The following GABRB1 variants were observed in gnomAD, a reference collection of about 807,000 sequenced individuals.
GABRB1 encodes the protein gamma-aminobutyric acid receptor subunit beta-1.
A neutral mutation model predicts 51.6 loss-of-function variants in GABRB1; 17 were observed. That is an observed-to-expected ratio of 0.33 (90% CI 0.23 to 0.49). GABRB1 has a LOEUF of 0.49. GABRB1 is among the 20% of genes least tolerant of loss of function. GABRB1 has a pLI of 0.99. For missense variants in GABRB1, 410 were observed against 600.6 expected, an observed-to-expected ratio of 0.68 and a Z score of 3.32; for synonymous variants, 247 against 218.9, an observed-to-expected ratio of 1.13 and a Z score of -1.14.
chr4:47,259,770 GT>G (rs1342068848), intron 4 of GABRB1, among the ~76,000 whole-genome samples: 1 of 152,030 alleles, frequency 6.6e-6, no homozygotes, highest in East Asian at 1.9e-4. Context: ...ACTTTCTTTG[GT>G]GGTGATATAT....
At chr4:47,294,991 C>T (rs181415901) in intron 4 of GABRB1, among the ~76,000 whole-genome samples, 2 of 152,304 alleles carry the variant, frequency 1.3e-5, no homozygotes, top group African/African-American at 2.4e-5. Flanking sequence ...GATACCCAGG[C>T]AAACAGGGTC....
chr4:47,414,621 C>G (rs1728856120), intron 8 of GABRB1, among the ~76,000 whole-genome samples: 1 of 152,096 alleles, frequency 6.6e-6, no homozygotes, highest in African/African-American at 2.4e-5. Context: ...TTCACAATAC[C>G]AAATATGCAG....
intron 3 of GABRB1, among the ~76,000 whole-genome samples, chr4:47,039,686 A>G (rs933411558): frequency 6.6e-6 from 1 of 152,168 alleles, no homozygotes; most frequent in African/African-American, 2.4e-5. Context: ...GTAGTTAGCA[A>G]TTGTGTAGAA....
chr4:47,355,995 C>T (rs1463226228), intron 5 of GABRB1, among the ~76,000 whole-genome samples: 1 of 152,154 alleles, frequency 6.6e-6, no homozygotes, highest in Non-Finnish European at 1.5e-5. Flanking sequence ...TGTAAAGCAA[C>T]CAGGCTTAAT....
chr4:47,018,014 TTTC>T (rs879437295), intron 1 of GABRB1, among the ~76,000 whole-genome samples: 6 of 151,996 alleles, frequency 3.9e-5, no homozygotes, highest in Non-Finnish European at 5.9e-5. Context: ...TAAGTTTTCT[TTTC>T]TTCTTCTTTC....
intron 8 of GABRB1, among the ~76,000 whole-genome samples, chr4:47,408,391 G>C (rs1728647321): frequency 6.6e-6 from 1 of 152,266 alleles, no homozygotes; most frequent in African/African-American, 2.4e-5. Flanking sequence ...GGATACTTAG[G>C]CCAAATTATA....
intron 4 of GABRB1, among the ~76,000 whole-genome samples, chr4:47,293,886 T>G (rs998527530): frequency 1.3e-5 from 2 of 152,200 alleles, no homozygotes; most frequent in African/African-American, 2.4e-5. Flanking sequence ...CCATTATACA[T>G]AAGCATTTCA....
intron 3 of GABRB1, among the ~76,000 whole-genome samples, chr4:47,046,611 C>A (rs1726102727): frequency 6.6e-6 from 1 of 151,868 alleles, no homozygotes; most frequent in African/African-American, 2.4e-5. Flanking sequence ...CATGACATAG[C>A]AGAGAAAGTG....
chr4:47,307,079 C>T (rs930264659), intron 4 of GABRB1, among the ~76,000 whole-genome samples: 3 of 152,090 alleles, frequency 2.0e-5, no homozygotes, highest in Admixed American at 2.0e-4. Context: ...AGTATGACTC[C>T]TAATTTTCCC....
chr4:47,378,585 G>T (rs576608185), intron 5 of GABRB1, among the ~76,000 whole-genome samples: 11 of 152,192 alleles, frequency 7.2e-5, no homozygotes, highest in Admixed American at 1.3e-4. Context: ...GCCAGCGAGG[G>T]CTGTGAGGAC....
intron 1 of GABRB1, among the ~76,000 whole-genome samples, chr4:47,015,607 G>A (rs758756950): frequency 6.6e-5 from 10 of 152,074 alleles, no homozygotes; most frequent in Admixed American, 2.0e-4. Context: ...TTCCTTTACT[G>A]AGATGCAAAA....
intron 4 of GABRB1, among the ~76,000 whole-genome samples, chr4:47,223,673 T>C (rs1720848169): frequency 6.6e-6 from 1 of 152,106 alleles, no homozygotes; most frequent in African/African-American, 2.4e-5. Context: ...ATCAGGGCTG[T>C]TTATGAGAAT....
At position 47,258,828 on chromosome 4, in the gene GABRB1, G is replaced by A. The variant is rs189274985; in HGVS notation, c.462-61299G>A. On this transcript the variant is annotated intron_variant, in intron 4 of 8. Coordinates refer to ENST00000295454, the MANE Select transcript of GABRB1 (RefSeq NM_000812.4). Reference sequence around the variant, plus strand: ...TCTCATTAAGTTGGAAATGAATGATGCAATAGCATAGTGTAAAATTTAGAA... The same window carrying A: ...TCTCATTAAGTTGGAAATGAATGATACAATAGCATAGTGTAAAATTTAGAA... Among the ~76,000 whole-genome samples the A allele has an allele frequency of 1.2e-3, 190 of 152,224 alleles. 1 individual carries two copies. Among genetic ancestry groups the A allele is most frequent in the African/African-American group, 4.4e-3 (181 of 41,558 alleles).
chr4:47,117,201 G>A (rs948642277), intron 3 of GABRB1, among the ~76,000 whole-genome samples: 4 of 152,190 alleles, frequency 2.6e-5, no homozygotes, highest in African/African-American at 7.2e-5. Flanking sequence ...TATGTTACGA[G>A]AGGAGCAGGT....
chr4:47,349,694 G>T (rs964841809), intron 5 of GABRB1, among the ~76,000 whole-genome samples: 4 of 152,102 alleles, frequency 2.6e-5, no homozygotes, highest in Admixed American at 6.5e-5. Context: ...TATGTATAAG[G>T]TTAGGTTCAA....
chr4:47,278,841 C>A (rs911274287), intron 4 of GABRB1, among the ~76,000 whole-genome samples: 1 of 152,156 alleles, frequency 6.6e-6, no homozygotes, highest in Non-Finnish European at 1.5e-5. Flanking sequence ...TGCCCTGTTT[C>A]TATGGAAACA....
intron 3 of GABRB1, among the ~76,000 whole-genome samples, chr4:47,082,161 G>T (rs1454759127): frequency 6.6e-6 from 1 of 151,660 alleles, no homozygotes; most frequent in East Asian, 1.9e-4. Flanking sequence ...AAGAGTTGAG[G>T]GTCCCCTGAG....
chr4:47,146,181 A>G (rs1717162869), intron 3 of GABRB1, among the ~76,000 whole-genome samples: 1 of 152,040 alleles, frequency 6.6e-6, no homozygotes, highest in African/African-American at 2.4e-5. Context: ...ATCTTCCAGA[A>G]TTTACATTTT....
intron 5 of GABRB1, among the ~76,000 whole-genome samples, chr4:47,355,544 A>G (rs907220844): frequency 6.6e-6 from 1 of 152,200 alleles, no homozygotes; most frequent in East Asian, 1.9e-4. Context: ...AGTGACAAAA[A>G]ACAGAGAAAC....
Sources: gnomAD v4.1 joint callset for allele counts (sites outside exome capture counted in the v4.1 genomes callset) on GRCh38, gnomAD v4.1.1 for gene constraint, MANE v1.5 for transcripts, NCBI Gene and HGNC (gene_info 2026-07-23, HGNC 2026-07-21) for gene names.